FGD6: variants seen among roughly 807,000 people sequenced by gnomAD.
The protein encoded by FGD6 is FYVE, RhoGEF and PH domain-containing protein 6.
In FGD6, 90 loss-of-function variants were observed where a neutral mutation model predicts 149.4. The ratio of observed to expected loss-of-function variants is 0.60; its 90% CI spans 0.51 to 0.72. The LOEUF (loss-of-function observed/expected upper bound fraction) is 0.72, where lower values mean the gene tolerates loss of function less well. Ranked by LOEUF, FGD6 falls within the 30% of genes least tolerant of loss-of-function variation. The pLI is 0.00. For synonymous variants in FGD6, 527 were observed against 584.0 expected, an observed-to-expected ratio of 0.90 and a Z score of 1.41; for missense variants, 1,437 against 1,684.8, an observed-to-expected ratio of 0.85 and a Z score of 2.57.
intron 3 of FGD6, among the ~76,000 whole-genome samples, chr12:95,162,064 G>A (rs1207219800): frequency 6.8e-6 from 1 of 147,010 alleles, no homozygotes; most frequent in African/African-American, 2.5e-5. Flanking sequence ...AGGAATTCAA[G>A]GCCAGCAAGG....
intron 2 of FGD6, among the ~76,000 whole-genome samples, chr12:95,206,698 G>GA (rs746280054): frequency 1.7e-4 from 20 of 114,798 alleles, no homozygotes; most frequent in Non-Finnish European, 2.7e-4. Context: ...TGTCTCCAAA[G>GA]AAAAAAAAAA....
intron 2 of FGD6, among the ~76,000 whole-genome samples, chr12:95,175,869 G>GA: frequency 6.6e-6 from 1 of 151,556 alleles, no homozygotes; most frequent in South Asian, 2.1e-4. Context: ...GGGTGAGGAG[G>GA]AAAAACTTAT....
At chr12:95,098,081 TG>T (rs1446557729) in intron 14 of FGD6, among the ~76,000 whole-genome samples, 1 of 152,124 alleles carries the variant, frequency 6.6e-6, no homozygotes, top group Non-Finnish European at 1.5e-5. Flanking sequence ...TACTTCCCTC[TG>T]AAATCCAGAT....
Position 95,128,978 on chromosome 12 carries a change from T to C in FGD6, c.3082+5761A>G, listed in dbSNP as rs780526717. 3.9e-5 allele frequency among the ~76,000 whole-genome samples: 6 copies of C among 152,312 alleles called. 1 individual carries two copies. Among genetic ancestry groups the C allele is most frequent in the Admixed American group, 1.3e-4 (2 of 15,286 alleles). ...TTTTCAACTTTTCTAATAAACAGAA[T>C]GAAAGTGTGTCCTTGGAAGAGAAAT... On this transcript the variant is annotated intron_variant, in intron 8 of 20. Coordinates refer to ENST00000343958, the MANE Select transcript of FGD6 (RefSeq NM_018351.4).
chr12:95,112,541 A>G (rs147956831), intron 9 of FGD6, among the ~76,000 whole-genome samples: 43 of 152,152 alleles, frequency 2.8e-4, no homozygotes, highest in African/African-American at 1.0e-3. Context: ...CAGAGGTTGC[A>G]GTGAGCCGAT....
At chr12:95,150,814 G>A (rs777567022) in intron 5 of FGD6, among the ~76,000 whole-genome samples, 1 of 152,150 alleles carries the variant, frequency 6.6e-6, no homozygotes, top group East Asian at 1.9e-4. Context: ...TTACAAAAGA[G>A]AACTGGCTGG....
Position 95,089,462 on chromosome 12 carries a change from A to C in FGD6, c.3978+107T>G, listed in dbSNP as rs1032508134. The C allele has an allele frequency of 3.7e-6, 5 of 1,362,202 alleles. No homozygotes were observed. In the African/African-American group the frequency reaches 7.3e-5, roughly 20 times the overall value. 84.4% of individuals were successfully genotyped at this position (1,362,202 alleles called of 1,614,324 possible). Reference sequence around the variant, plus strand: ...TCATCAGTATTAAAATTCATGACTTAATAGTTGTGGGAAATGACATCTTCC... The same window carrying C: ...TCATCAGTATTAAAATTCATGACTTCATAGTTGTGGGAAATGACATCTTCC... On this transcript the variant is annotated intron_variant, in intron 18 of 20. Transcript: ENST00000343958.
At chr12:95,157,696 G>T (rs1880512697) in intron 3 of FGD6, among the ~76,000 whole-genome samples, 1 of 152,044 alleles carries the variant, frequency 6.6e-6, no homozygotes, top group African/African-American at 2.4e-5. Flanking sequence ...ATGAGCCTAG[G>T]ATACTTTTTT....
At chr12:95,104,097 T>C (rs1160157834) in intron 14 of FGD6, among the ~76,000 whole-genome samples, 2 of 152,200 alleles carry the variant, frequency 1.3e-5, no homozygotes, top group African/African-American at 4.8e-5. Flanking sequence ...ACCATTGTTA[T>C]TCTATTCAGA....
chr12:95,164,584 C>G (rs1353375945), intron 3 of FGD6, among the ~76,000 whole-genome samples: 1 of 152,054 alleles, frequency 6.6e-6, no homozygotes, highest in Non-Finnish European at 1.5e-5. Flanking sequence ...GTACACACTG[C>G]TGTGCCTAGC....
At position 95,082,849 on chromosome 12, in the gene FGD6, G is replaced by A. The variant is rs929720133; in HGVS notation, c.4257-1293C>T. Among the ~76,000 whole-genome samples the A allele has an allele frequency of 6.1e-5, 9 of 147,640 alleles. No individual in the cohort carries two copies. The East Asian group carries it at 9.9e-4, about 16-fold the overall frequency. ...TTCTTATGGAAATATCATTTCTTAC[G>A]GTATTATTTTATGTAGGCTGGGCAT... is the stretch of plus-strand genomic sequence containing the variant. On this transcript the variant is annotated intron_variant, in intron 20 of 20. Transcript: ENST00000343958.
intron 2 of FGD6, among the ~76,000 whole-genome samples, chr12:95,178,950 G>T (rs1177881294): frequency 1.3e-5 from 2 of 151,988 alleles, no homozygotes; most frequent in African/African-American, 4.8e-5. Flanking sequence ...TAGCAAGCTA[G>T]GGTTCTATGG....
intron 9 of FGD6, among the ~76,000 whole-genome samples, chr12:95,108,935 C>T (rs936027528): frequency 3.9e-5 from 6 of 152,244 alleles, no homozygotes; most frequent in Admixed American, 3.3e-4. Context: ...AAGATAAGGA[C>T]CAGCCCAGTA....
chr12:95,094,235 C>T (rs1350285766), intron 15 of FGD6, among the ~76,000 whole-genome samples: 1 of 151,652 alleles, frequency 6.6e-6, no homozygotes, highest in African/African-American at 2.4e-5. Flanking sequence ...CTAAGTTTAG[C>T]TACAATCTAA....
intron 5 of FGD6, among the ~76,000 whole-genome samples, chr12:95,143,703 C>CT (rs1300293464): frequency 6.6e-6 from 1 of 152,192 alleles, no homozygotes. Flanking sequence ...AATAGAGCCA[C>CT]TTAACACTTT....
At chr12:95,168,953 C>G (rs964769376) in intron 3 of FGD6, among the ~76,000 whole-genome samples, 1 of 152,220 alleles carries the variant, frequency 6.6e-6, no homozygotes, top group Admixed American at 6.5e-5. Flanking sequence ...GAAGGGCATT[C>G]ACCAGGCTGT....
At position 95,205,612 on chromosome 12, in the gene FGD6, G is replaced by A. The variant is rs906814794; in HGVS notation, c.2441+3231C>T. Among the ~76,000 whole-genome samples the A allele has an allele frequency of 8.5e-5, 13 of 152,208 alleles. 1 individual carries two copies. The highest frequency in any genetic ancestry group is 5.2e-4 in the Admixed American group (8 of 15,284). On this transcript the variant is annotated intron_variant, in intron 2 of 20. Transcript: ENST00000343958. ...GGCACAGGTCTGTATTTTCAACAGC[G>A]AGATTACCAAACAGGACCCTTTGAG...
chr12:95,105,192 C>A, intron 13 of FGD6, 106 bp from the exon 14 acceptor site: 1 of 907,970 alleles, frequency 1.1e-6, no homozygotes. Context: ...AACCAATCTT[C>A]CTATCCAGCT....
rs148601697 is a variant in FGD6, at chr12:95,141,489, C to G, written c.2736G>C (p.Val912=). 109 of 1,614,012 alleles carry G rather than the reference C, an allele frequency of 6.8e-5. No individual in the cohort carries two copies. The highest frequency in any genetic ancestry group is 7.9e-5 in the Non-Finnish European group (93 of 1,180,020). Residue 912 remains valine, a synonymous_variant, in exon 6 of 21, where the codon GTG becomes GTC. Coordinates refer to ENST00000343958, the MANE Select transcript of FGD6 (RefSeq NM_018351.4). ...TCTGATTTAGAATCCGGTCCTCAAT[C>G]ACTGGTTTCCCAAGTTGCCTGGAAG... The part of the protein sequence containing the change: ...AHASRQLGKP[V]IEDRILNQIL...
Sources: gnomAD v4.1 joint callset for allele counts (sites outside exome capture counted in the v4.1 genomes callset) on GRCh38, gnomAD v4.1.1 for gene constraint, MANE v1.5 for transcripts, NCBI Gene and HGNC (gene_info 2026-07-23, HGNC 2026-07-21) for gene names.